The following UNC13C variants were observed in gnomAD, a reference collection of about 807,000 sequenced individuals.
UNC13C encodes protein unc-13 homolog C.
UNC13C carries 174 observed loss-of-function variants against 245.4 expected under a neutral mutation model. That is an observed-to-expected ratio of 0.71 (90% CI 0.63 to 0.80). UNC13C has a LOEUF of 0.80. UNC13C is among the 30% of genes least tolerant of loss of function. The pLI, the probability that UNC13C is intolerant of heterozygous loss-of-function variation, is 0.00. For synonymous variants in UNC13C, 992 were observed against 895.1 expected, an observed-to-expected ratio of 1.11 and a Z score of -1.93; for missense variants, 2,829 against 2,602.9, an observed-to-expected ratio of 1.09 and a Z score of -1.89.
At chr15:54,460,957 T>C (rs1426619091) in intron 19 of UNC13C, among the ~76,000 whole-genome samples, 1 of 152,184 alleles carries the variant, frequency 6.6e-6, no homozygotes, top group Admixed American at 6.5e-5. Context: ...ATTTTTTATT[T>C]ATTTTATAAC....
At chr15:53,892,053 G>T in the UNC13C span, among the ~76,000 whole-genome samples, 1 of 151,722 alleles carries the variant, frequency 6.6e-6, no homozygotes, top group Non-Finnish European at 1.5e-5. Context: ...TAAGGCAAGA[G>T]CCTTACACCA....
chr15:54,619,138 C>T (rs1900638456), intron 30 of UNC13C, among the ~76,000 whole-genome samples: 2 of 152,120 alleles, frequency 1.3e-5, no homozygotes, highest in Admixed American at 1.3e-4. Context: ...CATTGTAATC[C>T]TTTCAGCTTT....
At chr15:54,329,446 G>C (rs1878550711) in intron 14 of UNC13C, among the ~76,000 whole-genome samples, 2 of 151,850 alleles carry the variant, frequency 1.3e-5, no homozygotes, top group Admixed American at 1.3e-4. Flanking sequence ...TTTGCCCCCT[G>C]CTAGACATAT....
intron 13 of UNC13C, among the ~76,000 whole-genome samples, chr15:54,320,386 G>A (rs544794659): frequency 4.0e-5 from 6 of 151,760 alleles, no homozygotes; most frequent in African/African-American, 7.3e-5. Flanking sequence ...GGCAAATTAC[G>A]TTCTTTTTTT....
chr15:54,147,978 G>A (rs1250238520), intron 4 of UNC13C, among the ~76,000 whole-genome samples: 1 of 152,098 alleles, frequency 6.6e-6, no homozygotes, highest in Admixed American at 6.6e-5. Context: ...AGTTCTCATA[G>A]CACTAAGTTC....
At chr15:54,048,589 C>T (rs1040178799) in intron 2 of UNC13C, 17 of 384,742 alleles carry the variant, frequency 4.4e-5, no homozygotes, top group East Asian at 1.2e-4. Flanking sequence ...TTATCAATTT[C>T]GCCAATTGCT....
At chr15:54,444,782 G>T (rs975323254) in intron 19 of UNC13C, among the ~76,000 whole-genome samples, 3 of 151,256 alleles carry the variant, frequency 2.0e-5, no homozygotes, top group Admixed American at 2.0e-4. Context: ...ACTGGCTTAA[G>T]AGTTTATTTT....
At chr15:54,615,700 TTTTG>T (rs1397926802) in intron 30 of UNC13C, among the ~76,000 whole-genome samples, 4 of 152,020 alleles carry the variant, frequency 2.6e-5, no homozygotes, top group African/African-American at 9.7e-5. Flanking sequence ...TTGAAAGTTG[TTTTG>T]TTTATTTTTC....
intron 17 of UNC13C, among the ~76,000 whole-genome samples, chr15:54,386,310 A>G (rs2039835976): frequency 6.6e-6 from 1 of 152,192 alleles, no homozygotes; most frequent in Non-Finnish European, 1.5e-5. Flanking sequence ...TACACAGTTT[A>G]TTTATTCAGA....
chr15:53,859,592 A>C, the UNC13C span, among the ~76,000 whole-genome samples: 2 of 152,036 alleles, frequency 1.3e-5, no homozygotes, highest in Non-Finnish European at 2.9e-5. Flanking sequence ...ATACTGAAGG[A>C]GTCTTTGATA....
Position 53,986,607 on chromosome 15 carries a change from G to A in UNC13C, c.-257+7680G>A, listed in dbSNP as rs1421459555. Among the ~76,000 whole-genome samples, 3 of 152,046 alleles carry A rather than the reference G, an allele frequency of 2.0e-5. No homozygotes were observed. In the East Asian group the frequency reaches 5.8e-4, roughly 29 times the overall value. On this transcript the variant is annotated intron_variant, in intron 1 of 32. Transcript: ENST00000260323. ...TTAAGATTATAAAACACTAGATATGGTTTTTAAAAATTATACAGTACCAAG... is the reference window on the plus strand; with the variant it reads ...TTAAGATTATAAAACACTAGATATGATTTTTAAAAATTATACAGTACCAAG...
chr15:54,122,552 C>T (rs1225183082), intron 2 of UNC13C, among the ~76,000 whole-genome samples: 10 of 151,886 alleles, frequency 6.6e-5, no homozygotes, highest in Admixed American at 1.3e-4. Context: ...GGCTACCGTA[C>T]GAATCCTTGT....
intron 8 of UNC13C, among the ~76,000 whole-genome samples, chr15:54,257,797 AC>A (rs2036317370): frequency 6.6e-6 from 1 of 152,206 alleles, no homozygotes; most frequent in Non-Finnish European, 1.5e-5. Context: ...TAACTTGAAG[AC>A]TGGGGGAGTT....
chr15:54,371,040 T>C (rs958197559), intron 17 of UNC13C, among the ~76,000 whole-genome samples: 1 of 152,146 alleles, frequency 6.6e-6, no homozygotes, highest in Admixed American at 6.5e-5. Context: ...ATCCACTCTC[T>C]TAGCACTTTT....
chr15:54,391,358 G>T (rs2039952739), intron 17 of UNC13C, among the ~76,000 whole-genome samples: 1 of 151,886 alleles, frequency 6.6e-6, no homozygotes, highest in Non-Finnish European at 1.5e-5. Flanking sequence ...AATCTATTGA[G>T]CTTAATATAA....
intron 30 of UNC13C, among the ~76,000 whole-genome samples, chr15:54,616,804 G>C (rs1432684581): frequency 6.6e-6 from 1 of 151,950 alleles, no homozygotes; most frequent in Non-Finnish European, 1.5e-5. Flanking sequence ...AATGTCTTAG[G>C]CCTTCATATT....
intron 19 of UNC13C, among the ~76,000 whole-genome samples, chr15:54,466,705 A>G (rs1892191251): frequency 6.6e-6 from 1 of 151,954 alleles, no homozygotes; most frequent in Non-Finnish European, 1.5e-5. Flanking sequence ...GAAGCGTATC[A>G]GTGTTCCATG....
chr15:53,929,989 A>G, the UNC13C span, among the ~76,000 whole-genome samples: 5 of 152,312 alleles, frequency 3.3e-5, no homozygotes, highest in South Asian at 8.3e-4. Context: ...GAAAATGACA[A>G]TGGTTTATTA....
chr15:54,439,918 CT>C (rs1890425414), intron 19 of UNC13C, among the ~76,000 whole-genome samples: 1 of 151,918 alleles, frequency 6.6e-6, no homozygotes, highest in Admixed American at 6.6e-5. Flanking sequence ...CATTAACCAA[CT>C]TCTCTTCATT....
Sources: gnomAD v4.1 joint callset for allele counts (sites outside exome capture counted in the v4.1 genomes callset) on GRCh38, gnomAD v4.1.1 for gene constraint, MANE v1.5 for transcripts, NCBI Gene and HGNC (gene_info 2026-07-23, HGNC 2026-07-21) for gene names.